Variants in PTPN9 observed in about 807,000 individuals in gnomAD.
PTPN9 encodes the protein protein tyrosine phosphatase non-receptor type 9, also known as tyrosine-protein phosphatase non-receptor type 9.
Under a neutral mutation model 69.8 loss-of-function variants are expected in PTPN9, and 26 were observed. The ratio of observed to expected loss-of-function variants is 0.37; its 90% CI spans 0.27 to 0.52. The LOEUF is 0.52. PTPN9 is among the 20% of genes least tolerant of loss of function. The probability of loss-of-function intolerance (pLI) is 0.91; values close to 1 mark genes in which losing one functional copy is unlikely to be tolerated. For missense variants in PTPN9, 549 were observed against 740.3 expected (o/e 0.74, Z 3.00); for synonymous variants, 274 against 272.5 (o/e 1.01, Z -0.05).
At chr15:75,480,725 T>C in intron 8 of PTPN9, 1 of 1,307,520 alleles carries the variant, frequency 7.6e-7, no homozygotes, top group East Asian at 3.7e-5. Flanking sequence ...GAGGATGGAG[T>C]TCAGCGGGCA....
In PTPN9 at chr15:75,495,016, C is replaced by T. The variant is rs191232064; in HGVS notation, c.969-4715G>A. Among the ~76,000 whole-genome samples, 753 of 151,724 alleles carry T rather than the reference C, an allele frequency of 5.0e-3. 8 individuals carry two copies. Among genetic ancestry groups the T allele is most frequent in the African/African-American group, 0.017 (703 of 41,394 alleles). ...TCCAGCCTGGGTGGCAGAGTGAGACCCCATCTTAAATAAATAAATAAATAA... is the reference window on the plus strand; with the variant it reads ...TCCAGCCTGGGTGGCAGAGTGAGACTCCATCTTAAATAAATAAATAAATAA... On this transcript the variant is annotated intron_variant, in intron 7 of 12. Coordinates refer to ENST00000618819, the MANE Select transcript of PTPN9 (RefSeq NM_002833.4).
At chr15:75,569,533 C>T (rs754542057) in intron 1 of PTPN9, among the ~76,000 whole-genome samples, 7 of 151,814 alleles carry the variant, frequency 4.6e-5, no homozygotes, top group Admixed American at 1.3e-4. Context: ...GCTGAAACCC[C>T]ATCTCTACAA....
chr15:75,505,980 C>G lies in PTPN9; in HGVS notation c.663G>C (p.Glu221Asp). 6.2e-7 allele frequency: 1 copy of G among 1,612,738 alleles called. No individual in the cohort carries two copies. Among genetic ancestry groups the G allele is most frequent in the East Asian group, 2.2e-5 (1 of 44,880 alleles). ...ACTCCCTGGGCAGATGCTGCGTGACCTCAGATGTCTTTAATATTTGAATCT... is the reference window on the plus strand; with the variant it reads ...ACTCCCTGGGCAGATGCTGCGTGACGTCAGATGTCTTTAATATTTGAATCT... ...RERIQILKTS[E>D]VTQHLPRECL... The change falls in exon 7 of 13, where the codon GAG (glutamate) becomes GAC (aspartate). Residue 221 changes from glutamate to aspartate, a missense_variant. Coordinates refer to ENST00000618819, the MANE Select transcript of PTPN9 (RefSeq NM_002833.4).
At chr15:75,560,847 C>T (rs1395330308) in intron 1 of PTPN9, among the ~76,000 whole-genome samples, 1 of 149,344 alleles carries the variant, frequency 6.7e-6, no homozygotes, top group Non-Finnish European at 1.5e-5. Context: ...GGTGAAACGC[C>T]GTCTCTACTA....
At chr15:75,530,539 ATTATATTATAATATATTATATATTAT>A (rs1567506557) in intron 1 of PTPN9, among the ~76,000 whole-genome samples, 8 of 40,600 alleles carry the variant, frequency 2.0e-4, no homozygotes, top group African/African-American at 1.5e-3. Flanking sequence ...ATATAATATT[ATTATATTATAATATATTATATATTAT>A]TATATTATAA....
intron 7 of PTPN9, among the ~76,000 whole-genome samples, chr15:75,499,001 T>C (rs12911512): frequency 0.6 from 91,424 of 152,060 alleles, 28,766 homozygotes; most frequent in African/African-American, 0.8. Flanking sequence ...GAAGATGTTA[T>C]CATGGGATAA....
At chr15:75,497,867 G>C (rs1034972813) in intron 7 of PTPN9, among the ~76,000 whole-genome samples, 4 of 151,286 alleles carry the variant, frequency 2.6e-5, no homozygotes, top group Admixed American at 2.0e-4. Context: ...TGTTGATTCT[G>C]TGGTAGGAAC....
chr15:75,572,810 T>C (rs958650461), intron 1 of PTPN9, among the ~76,000 whole-genome samples: 14 of 152,240 alleles, frequency 9.2e-5, no homozygotes, highest in African/African-American at 3.4e-4. Context: ...ATTGTAGTTG[T>C]GACCACACCT....
At chr15:75,545,958 TTAAAG>T (rs1188974913) in intron 1 of PTPN9, among the ~76,000 whole-genome samples, 1 of 152,004 alleles carries the variant, frequency 6.6e-6, no homozygotes, top group Non-Finnish European at 1.5e-5. Context: ...AAAAAATAGA[TTAAAG>T]TAAATTTATG....
chr15:75,509,073 C>T (rs1482771011), intron 5 of PTPN9, 46 bp from the exon 6 acceptor site: 2 of 1,481,478 alleles, frequency 1.3e-6, no homozygotes, highest in Non-Finnish European at 1.9e-6. Flanking sequence ...GAACCTGTGA[C>T]TCTTCAAGCC....
chr15:75,564,886 G>A (rs997227105), intron 1 of PTPN9, among the ~76,000 whole-genome samples: 1 of 151,696 alleles, frequency 6.6e-6, no homozygotes, highest in Non-Finnish European at 1.5e-5. Flanking sequence ...GGCAGATCAC[G>A]AGGTCAGGAG....
intron 1 of PTPN9, among the ~76,000 whole-genome samples, chr15:75,547,780 C>T (rs1480169448): frequency 6.6e-6 from 1 of 151,932 alleles, no homozygotes; most frequent in Non-Finnish European, 1.5e-5. Flanking sequence ...ATTCTCCTGC[C>T]TCAGCCTCCT....
chr15:75,470,818 G>A lies in PTPN9; in HGVS notation c.1221C>T (p.Gly407=), dbSNP rs764824031. The A allele has an allele frequency of 9.3e-6, 15 of 1,613,948 alleles. No individual in the cohort carries two copies. The highest frequency in any genetic ancestry group is 1.7e-4 in the Middle Eastern group (1 of 6,056). Residue 407 remains glycine (G), a synonymous_variant, in exon 11 of 13, where the codon GGC becomes GGT. Coordinates refer to ENST00000618819, the MANE Select transcript of PTPN9 (RefSeq NM_002833.4). ...VIVMTTRFEE[G]GRRKCGQYWP... ...AGTACTGGCCACACTTTCTCCTGCC[G>A]CCTTCCTCAAAGCTGAAGACACACA...
chr15:75,486,099 C>CAAAAA (rs571404981), intron 8 of PTPN9, among the ~76,000 whole-genome samples: 2 of 86,996 alleles, frequency 2.3e-5, no homozygotes, highest in Non-Finnish European at 4.7e-5. Context: ...GACTCCAACT[C>CAAAAA]AAAAAAAAAA....
chr15:75,556,350 A>G (rs1424424651), intron 1 of PTPN9, among the ~76,000 whole-genome samples: 1 of 151,524 alleles, frequency 6.6e-6, no homozygotes, highest in African/African-American at 2.4e-5. Flanking sequence ...GGTGTGAGCC[A>G]CTGCACCGGC....
At chr15:75,542,443 C>A (rs1595965952) in intron 1 of PTPN9, among the ~76,000 whole-genome samples, 2 of 152,076 alleles carry the variant, frequency 1.3e-5, no homozygotes, top group East Asian at 3.8e-4. Flanking sequence ...TATGCAAGAA[C>A]CCAAGAAGAA....
At chr15:75,555,557 T>C (rs1295987225) in intron 1 of PTPN9, among the ~76,000 whole-genome samples, 1 of 152,016 alleles carries the variant, frequency 6.6e-6, no homozygotes, top group Non-Finnish European at 1.5e-5. Flanking sequence ...CAGGCTGGAG[T>C]GCAGTGGTGT....
chr15:75,571,686 G>A lies in PTPN9; in HGVS notation c.63+7028C>T, dbSNP rs530031423. Among the ~76,000 whole-genome samples the A allele has an allele frequency of 2.0e-5, 3 of 151,916 alleles. No individual in the cohort carries two copies. The South Asian group carries it at 6.2e-4, about 32-fold the overall frequency. On this transcript the variant is annotated intron_variant, in intron 1 of 12. Coordinates refer to ENST00000618819, the MANE Select transcript of PTPN9 (RefSeq NM_002833.4). ...CAGAGGCAGGTGGATCACGAGGTCAGGATATAGAGACCATCATGGCCAACA... is the reference window on the plus strand; with the variant it reads ...CAGAGGCAGGTGGATCACGAGGTCAAGATATAGAGACCATCATGGCCAACA...
chr15:75,472,419 G>A (rs1256203352), intron 10 of PTPN9, among the ~76,000 whole-genome samples: 2 of 151,008 alleles, frequency 1.3e-5, no homozygotes, highest in African/African-American at 4.9e-5. Context: ...CTGAGATTGC[G>A]CCACTGCACT....
Sources: allele counts gnomAD v4.1 joint callset (sites outside exome capture counted in the v4.1 genomes callset), GRCh38; gene constraint gnomAD v4.1.1; transcripts MANE v1.5; gene names NCBI Gene and HGNC (gene_info 2026-07-23, HGNC 2026-07-21).